KDM6B: variants seen among roughly 807,000 people sequenced by gnomAD.
KDM6B encodes the protein lysine demethylase 6B.
A neutral mutation model predicts 150.4 loss-of-function variants in KDM6B; 22 were observed. The observed-to-expected ratio is 0.15, with a 90% CI of 0.10 to 0.21. The LOEUF is 0.21. Ranked by LOEUF, KDM6B falls within the 10% of genes least tolerant of loss-of-function variation. The pLI is 1.00. For missense variants in KDM6B, 1,984 were observed against 2,234.3 expected (o/e 0.89, Z 2.26); for synonymous variants, 1,148 against 921.1 (o/e 1.25, Z -4.46).
Position 7,853,643 on chromosome 17 carries a change from C to A in KDM6B, c.*122C>A. The A allele has an allele frequency of 1.7e-6, 1 of 580,528 alleles. No homozygotes were observed. The allele number at this position is 580,528 out of a possible 1,614,324, so 36.0% of individuals were successfully genotyped here. A position where few individuals can be genotyped will look rare whatever the true frequency, so the allele number is the denominator to read the frequency against. ...GGGGGTCGGGCCCAGCCCTTCCACCCCATTGGCAGCTCCCCTCACTTAATT... is the reference window on the plus strand; with the variant it reads ...GGGGGTCGGGCCCAGCCCTTCCACCACATTGGCAGCTCCCCTCACTTAATT... On this transcript the variant is annotated 3_prime_UTR_variant, in exon 24 of 24. Transcript: ENST00000448097.
Position 7,844,375 on chromosome 17 carries a change from C to G in KDM6B, c.-268-526C>G, listed in dbSNP as rs982929978. ...CTGGGTATGAGACTGGGGGCTTGACCAAGGTTTGGGTCGGGGTCAGGCGTT... is the reference window on the plus strand; with the variant it reads ...CTGGGTATGAGACTGGGGGCTTGACGAAGGTTTGGGTCGGGGTCAGGCGTT... On this transcript the variant is annotated intron_variant, in intron 2 of 23. Transcript: ENST00000448097. This position sits in a 1 kb window ranked among gnomAD's most constrained non-coding sequence, Gnocchi z 5.9. The G allele has an allele frequency of 1.3e-5, 2 of 151,982 alleles. No homozygotes were observed. The highest frequency in any genetic ancestry group is 2.9e-5 in the Non-Finnish European group (2 of 68,120). The allele number at this position is 151,982 out of a possible 1,614,324, so 9.4% of individuals were successfully genotyped here.
In KDM6B at chr17:7,843,870, G is replaced by C. The variant is rs1189681639; in HGVS notation, c.-268-1031G>C. The stretch of plus-strand genomic sequence containing the variant: ...GCGAGAAGGAAGAGCTGGGGCTAAA[G>C]GGAAGGTGCCCAAGAGAGGGGAGCG... On this transcript the variant is annotated intron_variant, in intron 2 of 23. Transcript: ENST00000448097. This position sits in a 1 kb window ranked among gnomAD's most constrained non-coding sequence, Gnocchi z 4.5. Among the ~76,000 whole-genome samples, 3 of 152,288 alleles carry C rather than the reference G, an allele frequency of 2.0e-5. No homozygotes were observed. In the East Asian group the frequency reaches 5.8e-4, roughly 29 times the overall value.
intron 22 of KDM6B, 33 bp from the exon 23 acceptor site, chr17:7,853,177 C>G: frequency 6.2e-7 from 1 of 1,613,882 alleles, no homozygotes; most frequent in African/African-American, 1.3e-5. Context: ...GTGGCCCTCC[C>G]TCCCCCTGAC....
Position 7,849,572 on chromosome 17 carries a change from T to G in KDM6B, c.3284T>G (p.Leu1095Arg). 6.2e-7 allele frequency: 1 copy of G among 1,612,680 alleles called. No homozygotes were observed. The highest frequency in any genetic ancestry group is 8.5e-7 in the Non-Finnish European group (1 of 1,179,964). The change falls in exon 12 of 24, where the codon CTT becomes CGT. Residue 1095 changes from leucine to arginine, a missense_variant. Physicochemically the swap from Leu to Arg is moderately radical, Grantham distance 102. Transcript: ENST00000448097. ...GCCGACATGCTGAAGCTGCGCTCAC[T>G]TAGTGAGGGGCCCCCCAAGGAGCTG... ...SRADMLKLRSLSEGPPKELKI... is the reference protein window; with the variant it reads ...SRADMLKLRSRSEGPPKELKI...
At chr17:7,838,901 C>T (rs1190516150) in intron 1 of KDM6B, among the ~76,000 whole-genome samples, 5 of 152,078 alleles carry the variant, frequency 3.3e-5, no homozygotes, top group African/African-American at 1.2e-4. Context: ...ACAAATAGCA[C>T]CTCCCTGGGG....
Position 7,852,529 on chromosome 17 carries a change from G to A in KDM6B, c.4503G>A (p.Glu1501=). 14 of 1,614,176 alleles carry A rather than the reference G, an allele frequency of 8.7e-6. No homozygotes were observed. Among genetic ancestry groups the A allele is most frequent in the Non-Finnish European group, 1.2e-5 (14 of 1,180,040 alleles). ...YQYQLALERY[E]WNEVKNVKSI... ...ACCAGCTGGCCCTGGAACGATACGA[G>A]TGGAATGAGGTGAAGAACGTCAAAT... is the stretch of plus-strand genomic sequence containing the variant. The change falls in exon 21 of 24, where the codon GAG becomes GAA. Residue 1501 remains glutamate, a synonymous_variant. Coordinates refer to ENST00000448097, the MANE Select transcript of KDM6B (RefSeq NM_001348716.2).
intron 1 of KDM6B, among the ~76,000 whole-genome samples, chr17:7,836,410 C>T (rs1597815353): frequency 1.3e-5 from 2 of 152,208 alleles, no homozygotes; most frequent in East Asian, 3.9e-4. Context: ...ACAGACTCCG[C>T]CCTGGAACAG....
At position 7,844,634 on chromosome 17, in the gene KDM6B, C is replaced by T. The variant is rs1404355765; in HGVS notation, c.-268-267C>T. 2.6e-5 allele frequency among the ~76,000 whole-genome samples: 4 copies of T among 152,214 alleles called. No individual in the cohort carries two copies. Among genetic ancestry groups the T allele is most frequent in the South Asian group, 2.1e-4 (1 of 4,832 alleles). ...CGAGCAGCCTGGCCGTGGCCACCGG[C>T]GGCTCTGGGTGCTTGAGGCTTGCGG... On this transcript the variant is annotated intron_variant, in intron 2 of 23. Coordinates refer to ENST00000448097, the MANE Select transcript of KDM6B (RefSeq NM_001348716.2). The surrounding 1 kb of genome is among the most constrained non-coding windows in gnomAD (Gnocchi z 5.9).
chr17:7,852,611 G>A lies in KDM6B; in HGVS notation c.4585G>A (p.Asp1529Asn), dbSNP rs1397666933. The change falls in exon 21 of 24, where the codon GAC becomes AAC. Residue 1529 changes from aspartate to asparagine, a missense_variant. Physicochemically the swap from Asp to Asn is conservative, Grantham distance 23. Coordinates refer to ENST00000448097, the MANE Select transcript of KDM6B (RefSeq NM_001348716.2). ...WNVARTVKISDPDLFKMIKFC... is the reference protein window; with the variant it reads ...WNVARTVKISNPDLFKMIKFC... ...CGTGGCTCGCACGGTCAAAATCAGC[G>A]ACCCCGACTTGTTCAAGATGATCAA... is the stretch of plus-strand genomic sequence containing the variant. 2 of 1,614,056 alleles carry A rather than the reference G, an allele frequency of 1.2e-6. No individual in the cohort carries two copies. The highest frequency in any genetic ancestry group is 1.7e-6 in the Non-Finnish European group (2 of 1,180,036).
At chr17:7,850,467 T>G (rs767897062) in intron 14 of KDM6B, among the ~76,000 whole-genome samples, 30 of 152,160 alleles carry the variant, frequency 2.0e-4, no homozygotes, top group Non-Finnish European at 3.7e-4. Context: ...GTTGGGGCTC[T>G]CTCTCAGTCT....
Position 7,844,005 on chromosome 17 carries a change from G to C in KDM6B, c.-268-896G>C, listed in dbSNP as rs1414513946. Among the ~76,000 whole-genome samples the C allele has an allele frequency of 2.0e-5, 3 of 151,516 alleles. No homozygotes were observed. The highest frequency in any genetic ancestry group is 4.4e-5 in the Non-Finnish European group (3 of 67,882). Reference sequence around the variant, plus strand: ...TTAAGGGAGTGGGTGGTGAGAGTGGGACAAGGGTGATGTCACTGCCTGTCG... The same window carrying C: ...TTAAGGGAGTGGGTGGTGAGAGTGGCACAAGGGTGATGTCACTGCCTGTCG... On this transcript the variant is annotated intron_variant, in intron 2 of 23. Coordinates refer to ENST00000448097, the MANE Select transcript of KDM6B (RefSeq NM_001348716.2). This position sits in a 1 kb window ranked among gnomAD's most constrained non-coding sequence, Gnocchi z 5.9.
intron 1 of KDM6B, among the ~76,000 whole-genome samples, chr17:7,835,737 G>A (rs528341038): frequency 1.3e-5 from 2 of 152,068 alleles, no homozygotes; most frequent in South Asian, 4.2e-4. Context: ...ACTCCCACAC[G>A]CTCGCGCCCA....
rs2078605645 is a variant in KDM6B at position 7,848,225 on chromosome 17, C to G, written c.1937C>G (p.Pro646Arg). The change falls in exon 12 of 24, where the codon CCA (proline) becomes CGA (arginine). Residue 646 changes from proline (P) to arginine (R), a missense_variant. Physicochemically the swap from Pro to Arg is moderately radical, Grantham distance 103. This residue lies in a region of KDM6B where 1,379 missense variants were observed against 1,275.6 expected (regional missense o/e 1.08). Coordinates refer to ENST00000448097, the MANE Select transcript of KDM6B (RefSeq NM_001348716.2). Reference protein sequence around the residue: ...KTPEVGPGPPPGPLSKAPQPV... With the variant: ...KTPEVGPGPPRGPLSKAPQPV... ...CCCGAGGTGGGGCCGGGGCCACCCC[C>G]AGGCCCCCTGAGTAAAGCCCCCCAG... 6.2e-7 allele frequency: 1 copy of G among 1,609,884 alleles called. No individual in the cohort carries two copies. Among genetic ancestry groups the G allele is most frequent in the Admixed American group, 1.7e-5 (1 of 60,000 alleles).
intron 14 of KDM6B, 86 bp downstream of exon 14, chr17:7,850,263 C>A: frequency 1.8e-6 from 2 of 1,115,180 alleles, no homozygotes; most frequent in Non-Finnish European, 2.6e-6. Flanking sequence ...CACTTGAAGA[C>A]TCATGACAGT....
chr17:7,853,032 A>G lies in KDM6B; in HGVS notation c.4643A>G (p.Gln1548Arg). The change falls in exon 22 of 24, where the codon CAG (glutamine) becomes CGG (arginine). Residue 1548 changes from glutamine to arginine, a missense_variant. Transcript: ENST00000448097. ...FCLLQSMKHC[Q>R]VQRESLVRAG... ...CTGCTGCAGTCCATGAAGCACTGCCAGGTGCAACGCGAGAGCCTGGTGCGG... is the reference window on the plus strand; with the variant it reads ...CTGCTGCAGTCCATGAAGCACTGCCGGGTGCAACGCGAGAGCCTGGTGCGG... The G allele has an allele frequency of 6.2e-7, 1 of 1,614,064 alleles. No homozygotes were observed. The highest frequency in any genetic ancestry group is 8.5e-7 in the Non-Finnish European group (1 of 1,180,012).
In KDM6B at chr17:7,848,479, T is replaced by A; in HGVS notation, c.2191T>A (p.Ser731Thr). The A allele has an allele frequency of 6.2e-7, 1 of 1,607,140 alleles. No homozygotes were observed. The highest frequency in any genetic ancestry group is 8.5e-7 in the Non-Finnish European group (1 of 1,178,938). ...PQPPLKEPFA[S>T]LQSPFPTDTA... Reference sequence around the variant, plus strand: ...ACCCCCGCTGAAGGAGCCCTTTGCATCTCTGCAGTCTCCTTTCCCCACCGA... The same window carrying A: ...ACCCCCGCTGAAGGAGCCCTTTGCAACTCTGCAGTCTCCTTTCCCCACCGA... Residue 731 changes from serine (S) to threonine (T), a missense_variant, in exon 12 of 24, where the codon TCT becomes ACT. This residue lies in a region of KDM6B where 1,379 missense variants were observed against 1,275.6 expected (regional missense o/e 1.08). Coordinates refer to ENST00000448097, the MANE Select transcript of KDM6B (RefSeq NM_001348716.2).
intron 1 of KDM6B, among the ~76,000 whole-genome samples, chr17:7,835,086 C>T (rs559221905): frequency 1.3e-5 from 2 of 152,162 alleles, no homozygotes; most frequent in Non-Finnish European, 2.9e-5. Context: ...CCCCCCGCCC[C>T]GGTCCGAGGG....
At chr17:7,850,645 C>T (rs2078673275) in intron 14 of KDM6B, among the ~76,000 whole-genome samples, 1 of 151,834 alleles carries the variant, frequency 6.6e-6, no homozygotes, top group Non-Finnish European at 1.5e-5. Context: ...TTAATTGGAT[C>T]CAATGGTAAC....
intron 2 of KDM6B, among the ~76,000 whole-genome samples, chr17:7,842,742 CTGTG>C (rs1186395606): frequency 1.3e-5 from 2 of 151,888 alleles, no homozygotes; most frequent in African/African-American, 2.4e-5. Context: ...CTGCCTCTGA[CTGTG>C]TGTCTGTGTG....
Sources: allele counts gnomAD v4.1 joint callset (sites outside exome capture counted in the v4.1 genomes callset), GRCh38; gene constraint gnomAD v4.1.1; regional missense constraint gnomAD v4.1.1; non-coding constraint Gnocchi (gnomAD v3.1); transcripts MANE v1.5; gene names NCBI Gene and HGNC (gene_info 2026-07-23, HGNC 2026-07-21).